CLNK: variants seen among roughly 807,000 people sequenced by gnomAD.
The protein encoded by CLNK is cytokine-dependent hematopoietic cell linker.
Under a neutral mutation model 68.6 loss-of-function variants are expected in CLNK, and 74 were observed. The ratio of observed to expected loss-of-function variants is 1.08; its 90% confidence interval spans 0.89 to 1.31. CLNK has a LOEUF of 1.31. CLNK is among the 50% of genes most tolerant of loss of function. The probability of loss-of-function intolerance (pLI) is 0.00; values close to 1 mark genes in which losing one functional copy is unlikely to be tolerated. For synonymous variants in CLNK, 198 were observed against 172.2 expected, an observed-to-expected ratio of 1.15 and a Z score of -1.17; for missense variants, 553 against 515.3, an observed-to-expected ratio of 1.07 and a Z score of -0.71.
chr4:10,571,646 G>C lies in CLNK; in HGVS notation c.150+95C>G. 2.8e-6 allele frequency: 3 copies of C among 1,060,582 alleles called. No individual in the cohort carries two copies. In the South Asian group the frequency reaches 4.0e-5, roughly 14 times the overall value. 65.7% of individuals were successfully genotyped at this position (1,060,582 alleles called of 1,614,324 possible). A position where few individuals can be genotyped will look rare whatever the true frequency, so the allele number is the denominator to read the frequency against. ...CCACTGCACGCAGCCTGTTACTGTT[G>C]ATTTTTAAACATTTTACCCAGTATC... is the stretch of plus-strand genomic sequence containing the variant. On this transcript the variant is annotated intron_variant, in intron 5 of 18. Transcript: ENST00000226951.
At chr4:10,606,642 C>T (rs2108850963) in intron 2 of CLNK, among the ~76,000 whole-genome samples, 1 of 152,280 alleles carries the variant, frequency 6.6e-6, no homozygotes, top group South Asian at 2.1e-4. Flanking sequence ...TGTTGCATTA[C>T]AATGTTATAG....
chr4:10,598,758 C>A, intron 2 of CLNK: 2 of 380,616 alleles, frequency 5.3e-6, no homozygotes, highest in Middle Eastern at 3.6e-4. Context: ...CCCACATTTT[C>A]CTTTCTTTTG....
chr4:10,571,143 C>T (rs1720326248), intron 5 of CLNK, among the ~76,000 whole-genome samples: 1 of 152,092 alleles, frequency 6.6e-6, no homozygotes, highest in African/African-American at 2.4e-5. Flanking sequence ...CACTTGCCGG[C>T]ACAGTGTATT....
At chr4:10,699,306 C>CGTATGTGTGT in the CLNK span, among the ~76,000 whole-genome samples, 2 of 63,906 alleles carry the variant, frequency 3.1e-5, no homozygotes, top group Middle Eastern at 8.9e-3. Context: ...ACACACACCA[C>CGTATGTGTGT]ATACGTGTAT....
rs992371358 is a variant in CLNK, at chr4:10,551,864, T to C, written c.445+6543A>G. 4.1e-3 allele frequency among the ~76,000 whole-genome samples: 623 copies of C among 151,884 alleles called. 5 individuals carry two copies. The highest frequency in any genetic ancestry group is 0.014 in the African/African-American group (590 of 41,410). On this transcript the variant is annotated intron_variant, in intron 8 of 18. Coordinates refer to ENST00000226951, the MANE Select transcript of CLNK (RefSeq NM_052964.4). ...AGAATTGTAATTTTTTTTTTTTTTT[T>C]TGAGACTGAGTCTCACTCTGTCGTC...
At chr4:10,631,747 T>C (rs1722899033) in intron 2 of CLNK, among the ~76,000 whole-genome samples, 1 of 152,262 alleles carries the variant, frequency 6.6e-6, no homozygotes, top group African/African-American at 2.4e-5. Flanking sequence ...CTGTAGTGTC[T>C]GCCAATTAGA....
the CLNK span, among the ~76,000 whole-genome samples, chr4:10,727,451 AG>A: frequency 6.6e-6 from 1 of 152,188 alleles, no homozygotes; most frequent in South Asian, 2.1e-4. Context: ...GTGGAATTGG[AG>A]GGGGTCAGTC....
At chr4:10,598,090 GA>G (rs1560235004) in intron 2 of CLNK, 41 bp from the exon 3 acceptor site, 2 of 1,367,602 alleles carry the variant, frequency 1.5e-6, no homozygotes, top group South Asian at 2.6e-5. Flanking sequence ...GAAATAGCAA[GA>G]AGCTAGGGGA....
chr4:10,672,104 T>C (rs1195664773), intron 1 of CLNK, among the ~76,000 whole-genome samples: 1 of 152,096 alleles, frequency 6.6e-6, no homozygotes, highest in Non-Finnish European at 1.5e-5. Flanking sequence ...CACCTAAAGT[T>C]CCTGCCTAAC....
intron 8 of CLNK, among the ~76,000 whole-genome samples, chr4:10,554,901 G>A (rs2108816469): frequency 6.6e-6 from 1 of 152,250 alleles, no homozygotes; most frequent in Non-Finnish European, 1.5e-5. Context: ...ATGAGAGGGA[G>A]AATACATTTT....
intron 8 of CLNK, among the ~76,000 whole-genome samples, chr4:10,547,077 G>A (rs1259255265): frequency 6.6e-6 from 1 of 152,104 alleles, no homozygotes; most frequent in Non-Finnish European, 1.5e-5. Flanking sequence ...GAGCACTCAT[G>A]ATCCAATTAC....
chr4:10,602,565 C>A (rs1419207327), intron 2 of CLNK, among the ~76,000 whole-genome samples: 3 of 152,196 alleles, frequency 2.0e-5, no homozygotes, highest in Non-Finnish European at 4.4e-5. Flanking sequence ...AAAGAAATCT[C>A]TCCTAGAGGC....
intron 2 of CLNK, among the ~76,000 whole-genome samples, chr4:10,648,391 G>A (rs1723595390): frequency 6.6e-6 from 1 of 152,184 alleles, no homozygotes; most frequent in African/African-American, 2.4e-5. Flanking sequence ...GTCATGCAAT[G>A]CCACATATTT....
intron 17 of CLNK, among the ~76,000 whole-genome samples, chr4:10,503,436 T>C (rs1310001583): frequency 6.6e-6 from 1 of 150,952 alleles, no homozygotes; most frequent in Non-Finnish European, 1.5e-5. Context: ...CACTCCAGCC[T>C]GGGTGACAGA....
At chr4:10,528,719 T>C (rs1335430896) in intron 12 of CLNK, among the ~76,000 whole-genome samples, 1 of 152,224 alleles carries the variant, frequency 6.6e-6, no homozygotes, top group Non-Finnish European at 1.5e-5. Context: ...TATCCATGTA[T>C]ATTTGTGTGT....
At position 10,544,702 on chromosome 4, in the gene CLNK, T is replaced by C. The variant is rs190170070; in HGVS notation, c.446-2422A>G. On this transcript the variant is annotated intron_variant, in intron 8 of 18. Transcript: ENST00000226951. ...AGCAAGGGCAAAAGTCCTCAGGTGGTGTCAGTTCATTTTTCTGTTGCTTAA... is the reference window on the plus strand; with the variant it reads ...AGCAAGGGCAAAAGTCCTCAGGTGGCGTCAGTTCATTTTTCTGTTGCTTAA... 1.6e-3 allele frequency among the ~76,000 whole-genome samples: 249 copies of C among 152,220 alleles called. 1 individual carries two copies. Among genetic ancestry groups the C allele is most frequent in the African/African-American group, 5.8e-3 (240 of 41,526 alleles).
chr4:10,701,414 C>T, the CLNK span, among the ~76,000 whole-genome samples: 1 of 152,208 alleles, frequency 6.6e-6, no homozygotes, highest in Non-Finnish European at 1.5e-5. Flanking sequence ...TTATTTGCTG[C>T]TACTGCAAAC....
At chr4:10,573,020 G>C (rs975671015) in intron 4 of CLNK, among the ~76,000 whole-genome samples, 1 of 151,970 alleles carries the variant, frequency 6.6e-6, no homozygotes, top group Non-Finnish European at 1.5e-5. Context: ...AGTAGAAATG[G>C]GTTTCACTAT....
In CLNK at chr4:10,510,153, G is replaced by A. The variant is rs139990399; in HGVS notation, c.907-2117C>T. Among the ~76,000 whole-genome samples the A allele has an allele frequency of 1.5e-4, 23 of 152,338 alleles. No individual in the cohort carries two copies. The East Asian group carries it at 2.5e-3, about 17-fold the overall frequency. ...TGTGTTTCTCCAGGTGTGATCATGAGGGATGGCTGGTGAGTGTGGCTGGTG... is the reference window on the plus strand; with the variant it reads ...TGTGTTTCTCCAGGTGTGATCATGAAGGATGGCTGGTGAGTGTGGCTGGTG... On this transcript the variant is annotated intron_variant, in intron 16 of 18. Transcript: ENST00000226951.
Sources: gnomAD v4.1 joint callset for allele counts (sites outside exome capture counted in the v4.1 genomes callset) on GRCh38, gnomAD v4.1.1 for gene constraint, MANE v1.5 for transcripts, NCBI Gene and HGNC (gene_info 2026-07-23, HGNC 2026-07-21) for gene names.